The following SV2C variants were observed in gnomAD, a reference collection of about 807,000 sequenced individuals.
SV2C encodes the protein synaptic vesicle glycoprotein 2C.
A neutral mutation model predicts 79.7 loss-of-function variants in SV2C; 49 were observed. The observed-to-expected ratio is 0.61, with a 90% CI of 0.49 to 0.78. The LOEUF (loss-of-function observed/expected upper bound fraction) is 0.78, where lower values mean the gene tolerates loss of function less well. SV2C is among the 30% of genes least tolerant of loss of function. The pLI is 0.00. For missense variants in SV2C, 833 were observed against 912.9 expected (o/e 0.91, Z 1.13); for synonymous variants, 334 against 333.2 (o/e 1.00, Z -0.03).
At chr5:75,955,606 G>A in the SV2C span, among the ~76,000 whole-genome samples, 5 of 145,878 alleles carry the variant, frequency 3.4e-5, no homozygotes, top group African/African-American at 1.0e-4. Context: ...GAGTGAACAG[G>A]CAACCTACAA....
At chr5:76,105,206 G>A (rs1278002758) in intron 1 of SV2C, among the ~76,000 whole-genome samples, 1 of 152,156 alleles carries the variant, frequency 6.6e-6, no homozygotes, top group African/African-American at 2.4e-5. Context: ...CAGAAGTTAG[G>A]AGAGGCAGGG....
At chr5:75,894,559 T>C in the SV2C span, among the ~76,000 whole-genome samples, 1 of 152,198 alleles carries the variant, frequency 6.6e-6, no homozygotes, top group Admixed American at 6.5e-5. Flanking sequence ...ATTTGACCTG[T>C]CTGGTGGTTT....
chr5:76,211,077 A>G (rs537832921), intron 4 of SV2C, among the ~76,000 whole-genome samples: 5 of 152,300 alleles, frequency 3.3e-5, no homozygotes, highest in African/African-American at 7.2e-5. Flanking sequence ...TGGGACTGCC[A>G]TACATATCAA....
chr5:76,141,403 C>G (rs1189146759), intron 2 of SV2C, among the ~76,000 whole-genome samples: 2 of 152,172 alleles, frequency 1.3e-5, no homozygotes, highest in African/African-American at 4.8e-5. Context: ...TGATAGGAAT[C>G]CTCACTAACG....
chr5:76,266,881 C>T (rs1035873609), intron 4 of SV2C, among the ~76,000 whole-genome samples: 1 of 152,034 alleles, frequency 6.6e-6, no homozygotes, highest in Non-Finnish European at 1.5e-5. Context: ...TTGCCCAAGA[C>T]ACAGAGCTAG....
chr5:76,195,219 A>G (rs1438163976), intron 3 of SV2C, 120 bp downstream of exon 3: 29 of 1,041,320 alleles, frequency 2.8e-5, no homozygotes, highest in Non-Finnish European at 3.8e-5. Flanking sequence ...TCCTCATGTC[A>G]GCCCTGGAAA....
chr5:76,244,004 G>T (rs1027634165), intron 4 of SV2C, among the ~76,000 whole-genome samples: 1 of 152,184 alleles, frequency 6.6e-6, no homozygotes, highest in Admixed American at 6.5e-5. Flanking sequence ...GTTCTCTGTG[G>T]CTTGGAGAGG....
intron 4 of SV2C, chr5:76,281,086 A>G (rs878934399): frequency 5.5e-6 from 3 of 541,840 alleles, no homozygotes; most frequent in Non-Finnish European, 1.1e-5. Context: ...TGTAAAGACT[A>G]AAAAAACTAA....
At chr5:76,213,791 A>G (rs1053640005) in intron 4 of SV2C, among the ~76,000 whole-genome samples, 1 of 152,208 alleles carries the variant, frequency 6.6e-6, no homozygotes, top group Non-Finnish European at 1.5e-5. Context: ...ATTATTAACT[A>G]TAGTTACCAT....
At chr5:76,122,317 C>T (rs992781660) in intron 1 of SV2C, among the ~76,000 whole-genome samples, 11 of 151,412 alleles carry the variant, frequency 7.3e-5, no homozygotes, top group Non-Finnish European at 1.2e-4. Context: ...CGTCTGCAAA[C>T]AGGGACAATT....
chr5:75,860,027 T>C, the SV2C span, among the ~76,000 whole-genome samples: 1 of 152,240 alleles, frequency 6.6e-6, no homozygotes, highest in African/African-American at 2.4e-5. Context: ...TCTTTTAAAC[T>C]CTTATTCTGT....
the SV2C span, among the ~76,000 whole-genome samples, chr5:76,032,003 C>T: frequency 1.3e-5 from 2 of 152,044 alleles, no homozygotes; most frequent in South Asian, 4.2e-4. Context: ...TCATAAGACC[C>T]AAAGCAAACC....
chr5:76,182,574 G>A (rs1439831619), intron 2 of SV2C, among the ~76,000 whole-genome samples: 1 of 152,076 alleles, frequency 6.6e-6, no homozygotes, highest in Non-Finnish European at 1.5e-5. Context: ...GAGGTGCCTC[G>A]GGCGTAAGAT....
At chr5:76,110,296 A>G (rs1748056282) in intron 1 of SV2C, among the ~76,000 whole-genome samples, 1 of 152,210 alleles carries the variant, frequency 6.6e-6, no homozygotes, top group South Asian at 2.1e-4. Flanking sequence ...AGTCAAGGGC[A>G]TGGAGTGTGA....
chr5:75,867,337 G>A, the SV2C span, among the ~76,000 whole-genome samples: 5 of 152,136 alleles, frequency 3.3e-5, no homozygotes, highest in Non-Finnish European at 7.4e-5. Flanking sequence ...AACACAAGAC[G>A]GATCAAGCTT....
the SV2C span, among the ~76,000 whole-genome samples, chr5:75,934,097 T>C: frequency 6.6e-6 from 1 of 152,174 alleles, no homozygotes; most frequent in Non-Finnish European, 1.5e-5. Flanking sequence ...ATCTCCATTT[T>C]ATGGAGTTTG....
chr5:76,102,802 C>T (rs60471797), intron 1 of SV2C, among the ~76,000 whole-genome samples: 3,463 of 152,208 alleles, frequency 0.023, 140 homozygotes, highest in African/African-American at 0.08. Context: ...AATAAATATA[C>T]GTTATTAATC....
intron 4 of SV2C, among the ~76,000 whole-genome samples, chr5:76,232,694 G>A (rs1745463501): frequency 1.4e-5 from 2 of 143,688 alleles, no homozygotes; most frequent in South Asian, 4.3e-4. Context: ...ATTAAATAGG[G>A]AATCCTTTCC....
At chr5:76,184,404 C>T (rs753354639) in intron 2 of SV2C, among the ~76,000 whole-genome samples, 16 of 152,172 alleles carry the variant, frequency 1.1e-4, no homozygotes, top group South Asian at 2.1e-4. Context: ...TTCATTTGTT[C>T]AGTCAGTGAT....
Sources: gnomAD v4.1 joint callset for allele counts (sites outside exome capture counted in the v4.1 genomes callset) on GRCh38, gnomAD v4.1.1 for gene constraint, MANE v1.5 for transcripts, NCBI Gene and HGNC (gene_info 2026-07-23, HGNC 2026-07-21) for gene names.